Variants in CAMSAP3 observed in about 807,000 individuals in gnomAD.
The protein encoded by CAMSAP3 is calmodulin regulated spectrin associated protein family member 3, also known as calmodulin-regulated spectrin-associated protein 3.
CAMSAP3 carries 34 observed loss-of-function variants against 112.5 expected under a neutral mutation model. The observed-to-expected ratio is 0.30, with a 90% CI of 0.23 to 0.40. The LOEUF is 0.40. Among genes scored for constraint, CAMSAP3 ranks in the 10% least tolerant of loss-of-function variants. The probability of loss-of-function intolerance (pLI) is 1.00; values close to 1 mark genes in which losing one functional copy is unlikely to be tolerated. For missense variants in CAMSAP3, 1,602 were observed against 1,770.3 expected (o/e 0.90, Z 1.71); for synonymous variants, 868 against 799.8 (o/e 1.09, Z -1.44).
intron 14 of CAMSAP3, among the ~76,000 whole-genome samples, 200 bp downstream of exon 14, chr19:7,616,822 C>T (rs2030815906): frequency 6.6e-6 from 1 of 151,760 alleles, no homozygotes; most frequent in African/African-American, 2.4e-5. Flanking sequence ...GCATGTGCCT[C>T]AGTGCACTTG....
rs768819914 is a variant in CAMSAP3 at position 7,617,667 on chromosome 19, C to T, written c.3444+6C>T. On this transcript the variant is annotated splice_donor_region_variant and intron_variant, in intron 16 of 16. Coordinates refer to ENST00000160298, the MANE Select transcript of CAMSAP3 (RefSeq NM_020902.2). This position sits in a 1 kb window ranked among gnomAD's most constrained non-coding sequence, Gnocchi z 7.5. ...AGAAGAATCGCATTCTGGAGGTGAG[C>T]CCGCCCACACGTGGGAGTTGGGGGC... The T allele has an allele frequency of 1.2e-6, 2 of 1,613,934 alleles. No individual in the cohort carries two copies. The highest frequency in any genetic ancestry group is 1.7e-6 in the Non-Finnish European group (2 of 1,179,854).
Position 7,618,081 on chromosome 19 carries a change from C to T in CAMSAP3, c.*24C>T, listed in dbSNP as rs747627029. The T allele has an allele frequency of 8.8e-6, 14 of 1,599,148 alleles. No homozygotes were observed. Among genetic ancestry groups the T allele is most frequent in the African/African-American group, 2.7e-5 (2 of 74,672 alleles). ...AGCCCCACCCGGGCGGTCCACGGGC[C>T]GGGCCCTGTGTGCTGCGGCCGCCAT... On this transcript the variant is annotated 3_prime_UTR_variant, in exon 17 of 17. Coordinates refer to ENST00000160298, the MANE Select transcript of CAMSAP3 (RefSeq NM_020902.2).
At chr19:7,616,934 CTTTTTTT>C (rs545769780) in intron 14 of CAMSAP3, among the ~76,000 whole-genome samples, 5 of 83,038 alleles carry the variant, frequency 6.0e-5, no homozygotes, top group South Asian at 5.1e-4. Context: ...TGTGGCCCGC[CTTTTTTT>C]TTTTTTTTTT....
Position 7,599,926 on chromosome 19 carries a change from C to T in CAMSAP3, c.148+3776C>T, listed in dbSNP as rs191547991. On this transcript the variant is annotated intron_variant, in intron 1 of 16. Coordinates refer to ENST00000160298, the MANE Select transcript of CAMSAP3 (RefSeq NM_020902.2). The stretch of plus-strand genomic sequence containing the variant: ...ACCCATCCACCCATCCATCCATCCA[C>T]CCACCCACCAACTCATCCACCTACC... 3.7e-3 allele frequency among the ~76,000 whole-genome samples: 126 copies of T among 34,080 alleles called. 10 individuals are homozygous for T. Among genetic ancestry groups the T allele is most frequent in the African/African-American group, 0.02 (112 of 5,724 alleles). The allele number at this position is 34,080 out of a possible 152,430, so 22.4% of individuals were successfully genotyped here.
chr19:7,596,860 C>T (rs549585125), intron 1 of CAMSAP3, among the ~76,000 whole-genome samples: 5 of 152,178 alleles, frequency 3.3e-5, no homozygotes, highest in Non-Finnish European at 7.4e-5. Context: ...CCGCTCCTCC[C>T]GGCTGCGGGG....
intron 1 of CAMSAP3, among the ~76,000 whole-genome samples, chr19:7,597,329 T>C (rs1368670828): frequency 1.3e-5 from 2 of 152,076 alleles, no homozygotes; most frequent in Admixed American, 1.3e-4. Context: ...CCTGCAGATA[T>C]TTGCTTGAGG....
At position 7,611,161 on chromosome 19, in the gene CAMSAP3, A is replaced by T. The variant is rs2030465773; in HGVS notation, c.1116A>T (p.Gly372=). The T allele has an allele frequency of 5.6e-6, 9 of 1,613,306 alleles. No individual in the cohort carries two copies. The highest frequency in any genetic ancestry group is 1.3e-5 in the African/African-American group (1 of 74,886). ...SSGGPQSPLR[G]STGSLKSSPS... ...GTGGCCCCCAGTCCCCACTCCGAGG[A>T]TCCACAGGTGAGGAGGGGGTAGGTG... Residue 372 remains glycine, a synonymous_variant, in exon 9 of 17, where the codon GGA becomes GGT. Coordinates refer to ENST00000160298, the MANE Select transcript of CAMSAP3 (RefSeq NM_020902.2). The surrounding 1 kb of genome is among the most constrained non-coding windows in gnomAD (Gnocchi z 6.9).
chr19:7,608,256 G>T lies in CAMSAP3; in HGVS notation c.752G>T (p.Arg251Leu). ...TIHCYCPQLL[R>L]LEEVCLKDPM... The stretch of plus-strand genomic sequence containing the variant: ...CACTGCTATTGTCCCCAGCTGCTTC[G>T]ACTTGAGGGTGAGTAAATGGATGTG... The change falls in exon 5 of 17, where the codon CGA (arginine) becomes CTA (leucine). Residue 251 changes from arginine to leucine, a missense_variant. By Grantham distance (102) the Arg-to-Leu change is moderately radical (BLOSUM62 -2). Around this residue, in one of 6 missense-constraint regions of CAMSAP3, gnomAD observed 58 missense variants for 108.4 expected, o/e 0.54. Coordinates refer to ENST00000160298, the MANE Select transcript of CAMSAP3 (RefSeq NM_020902.2). 1 of 1,611,398 alleles carries T rather than the reference G, an allele frequency of 6.2e-7. No homozygotes were observed. Among genetic ancestry groups the T allele is most frequent in the Non-Finnish European group, 8.5e-7 (1 of 1,178,714 alleles).
At chr19:7,613,667 T>G (rs1022875833) in intron 11 of CAMSAP3, among the ~76,000 whole-genome samples, 2 of 151,430 alleles carry the variant, frequency 1.3e-5, no homozygotes, top group African/African-American at 2.4e-5. Flanking sequence ...GATAGACAGA[T>G]GGATGAATGG....
rs775203519 is a variant in CAMSAP3, at chr19:7,612,523, C to T, written c.2030C>T (p.Ser677Leu). The T allele has an allele frequency of 4.6e-6, 7 of 1,538,344 alleles. No individual in the cohort carries two copies. The highest frequency in any genetic ancestry group is 2.0e-5 in the Admixed American group (1 of 51,038). The stretch of plus-strand genomic sequence containing the variant: ...GGCGAGGGCCAGGGTGAGCCAACCT[C>T]ACGGCCCAAGGCAGTGACCTTCTCG... ...PAGEGQGEPTSRPKAVTFSPD... is the reference protein window; with the variant it reads ...PAGEGQGEPTLRPKAVTFSPD... The change falls in exon 11 of 17, where the codon TCA becomes TTA. Residue 677 changes from serine (S) to leucine (L), a missense_variant. This residue lies in a region of CAMSAP3 where 1,100 missense variants were observed against 1,135.7 expected (regional missense o/e 0.97). Coordinates refer to ENST00000160298, the MANE Select transcript of CAMSAP3 (RefSeq NM_020902.2).
At chr19:7,608,395 C>A in intron 5 of CAMSAP3, 131 bp downstream of exon 5, 1 of 1,084,256 alleles carries the variant, frequency 9.2e-7, no homozygotes, top group Admixed American at 2.5e-5. Flanking sequence ...GCTTCCGGAA[C>A]TGGCAGGCCT....
At chr19:7,599,326 A>T (rs2029863354) in intron 1 of CAMSAP3, among the ~76,000 whole-genome samples, 3 of 79,024 alleles carry the variant, frequency 3.8e-5, no homozygotes, top group Non-Finnish European at 7.2e-5. Context: ...CACCCCACTC[A>T]TCCATCCACC....
At chr19:7,601,147 A>G (rs1345290407) in intron 1 of CAMSAP3, among the ~76,000 whole-genome samples, 1 of 152,164 alleles carries the variant, frequency 6.6e-6, no homozygotes, top group Non-Finnish European at 1.5e-5. Context: ...AACAAAAACC[A>G]GTGTAAAATA....
chr19:7,611,398 C>A lies in CAMSAP3; in HGVS notation c.1124-119C>A. ...TCTGGAAACCTCTGGTCTCACTAGA[C>A]CACATAATGAGCCATCAGTGACTCA... is the stretch of plus-strand genomic sequence containing the variant. On this transcript the variant is annotated intron_variant, in intron 9 of 16. Coordinates refer to ENST00000160298, the MANE Select transcript of CAMSAP3 (RefSeq NM_020902.2). This position sits in a 1 kb window ranked among gnomAD's most constrained non-coding sequence, Gnocchi z 6.9. The A allele has an allele frequency of 9.7e-7, 1 of 1,027,470 alleles. No individual in the cohort carries two copies. Among genetic ancestry groups the A allele is most frequent in the Non-Finnish European group, 1.4e-6 (1 of 702,776 alleles). The allele number at this position is 1,027,470 out of a possible 1,614,324, so 63.6% of individuals were successfully genotyped here.
Position 7,618,117 on chromosome 19 carries a change from A to T in CAMSAP3, c.*60A>T. The T allele has an allele frequency of 1.3e-6, 2 of 1,550,264 alleles. No individual in the cohort carries two copies. Among genetic ancestry groups the T allele is most frequent in the East Asian group, 2.3e-5 (1 of 44,312 alleles). The stretch of plus-strand genomic sequence containing the variant: ...TGCTGCGGCCGCCATCCCCTGGAGG[A>T]CAGTCAGTCGGTATTCCTGGGTCCT... On this transcript the variant is annotated 3_prime_UTR_variant, in exon 17 of 17. Coordinates refer to ENST00000160298, the MANE Select transcript of CAMSAP3 (RefSeq NM_020902.2).
Position 7,615,380 on chromosome 19 carries a change from CG to C in CAMSAP3, c.2811-37del, listed in dbSNP as rs1568448422. On this transcript the variant is annotated intron_variant, in intron 12 of 16. Transcript: ENST00000160298. The surrounding 1 kb of genome is among the most constrained non-coding windows in gnomAD (Gnocchi z 6.5). ...TTGGCCTGTCTGCCACCGCGGACCC[CG>C]TGAGCGGTTCTGATGCCGATTCCCT... is the stretch of plus-strand genomic sequence containing the variant. 3 of 1,535,568 alleles carry C rather than the reference CG, an allele frequency of 2.0e-6. No individual in the cohort carries two copies. Among genetic ancestry groups the C allele is most frequent in the Admixed American group, 2.0e-5 (1 of 49,884 alleles).
At position 7,612,137 on chromosome 19, in the gene CAMSAP3, G is replaced by A. The variant is rs2030527558; in HGVS notation, c.1644G>A (p.Pro548=). 3 of 1,612,620 alleles carry A rather than the reference G, an allele frequency of 1.9e-6. No homozygotes were observed. The highest frequency in any genetic ancestry group is 1.7e-6 in the Non-Finnish European group (2 of 1,179,808). Residue 548 remains proline, a synonymous_variant, in exon 11 of 17, where the codon CCG becomes CCA. Coordinates refer to ENST00000160298, the MANE Select transcript of CAMSAP3 (RefSeq NM_020902.2). ...SKPPAPSEGS[P]KAVASSPAAT... ...CGCCAGCCCCATCCGAGGGGTCCCC[G>A]AAGGCGGTGGCTTCGTCCCCAGCAG...
In CAMSAP3 at chr19:7,611,781, G is replaced by C; in HGVS notation, c.1288G>C (p.Val430Leu). 1 of 1,597,396 alleles carries C rather than the reference G, an allele frequency of 6.3e-7. No individual in the cohort carries two copies. Among genetic ancestry groups the C allele is most frequent in the Non-Finnish European group, 8.5e-7 (1 of 1,172,378 alleles). Residue 430 changes from valine to leucine, a missense_variant, in exon 11 of 17, where the codon GTG (valine) becomes CTG (leucine). Coordinates refer to ENST00000160298, the MANE Select transcript of CAMSAP3 (RefSeq NM_020902.2). This position sits in a 1 kb window ranked among gnomAD's most constrained non-coding sequence, Gnocchi z 6.9. Reference sequence around the variant, plus strand: ...GGGAGACCCTGTGCTCCTCCGCTCTGTGAGCTCGGACAGCCTGGGCCCCCC... The same window carrying C: ...GGGAGACCCTGTGCTCCTCCGCTCTCTGAGCTCGGACAGCCTGGGCCCCCC... ...VMGDPVLLRS[V>L]SSDSLGPPRP...
chr19:7,612,350 A>G lies in CAMSAP3; in HGVS notation c.1857A>G (p.Arg619=), dbSNP rs867496569. The change falls in exon 11 of 17, where the codon CGA becomes CGG. Residue 619 remains arginine (R), a synonymous_variant. Transcript: ENST00000160298. ...EKRRAIEAQK[R]RIEAIFAKHR... Reference sequence around the variant, plus strand: ...GCAGAGCCATCGAGGCTCAGAAGCGACGGATTGAGGCCATATTCGCCAAGC... The same window carrying G: ...GCAGAGCCATCGAGGCTCAGAAGCGGCGGATTGAGGCCATATTCGCCAAGC... 3 of 1,603,860 alleles carry G rather than the reference A, an allele frequency of 1.9e-6. No individual in the cohort carries two copies. The highest frequency in any genetic ancestry group is 1.7e-4 in the Middle Eastern group (1 of 5,940).
Sources: allele counts gnomAD v4.1 joint callset (sites outside exome capture counted in the v4.1 genomes callset), GRCh38; gene constraint gnomAD v4.1.1; regional missense constraint gnomAD v4.1.1; non-coding constraint Gnocchi (gnomAD v3.1); transcripts MANE v1.5; gene names NCBI Gene and HGNC (gene_info 2026-07-23, HGNC 2026-07-21).